Variants in NRXN1 observed in about 807,000 individuals in gnomAD.
NRXN1 encodes the protein neurexin-1.
NRXN1 carries 39 observed loss-of-function variants against 150.9 expected under a neutral mutation model. The ratio of observed to expected loss-of-function variants is 0.26; its 90% CI spans 0.20 to 0.34. NRXN1 has a LOEUF of 0.34. Ranked by LOEUF, NRXN1 falls within the 10% of genes least tolerant of loss-of-function variation. The pLI is 1.00. For missense variants in NRXN1, 1,815 were observed against 1,949.9 expected, an observed-to-expected ratio of 0.93 and a Z score of 1.30; for synonymous variants, 924 against 757.0, an observed-to-expected ratio of 1.22 and a Z score of -3.62.
At chr2:50,263,542 C>G (rs1233360244) in intron 17 of NRXN1, among the ~76,000 whole-genome samples, 4 of 151,968 alleles carry the variant, frequency 2.6e-5, no homozygotes, top group African/African-American at 9.7e-5. Flanking sequence ...GGCTTAATTA[C>G]AGTTGGTCAT....
intron 17 of NRXN1, among the ~76,000 whole-genome samples, chr2:50,256,994 G>T (rs1373929107): frequency 1.3e-5 from 2 of 151,798 alleles, no homozygotes; most frequent in African/African-American, 4.8e-5. Context: ...AGTATTTCTG[G>T]GTCTCATATT....
chr2:50,452,915 C>T (rs2087129660), intron 17 of NRXN1, among the ~76,000 whole-genome samples: 1 of 152,144 alleles, frequency 6.6e-6, no homozygotes, highest in Non-Finnish European at 1.5e-5. Flanking sequence ...AAAATTTTGC[C>T]TTGAATAGCA....
At chr2:50,057,630 T>C (rs1364068422) in intron 19 of NRXN1, among the ~76,000 whole-genome samples, 5 of 152,322 alleles carry the variant, frequency 3.3e-5, no homozygotes, top group African/African-American at 1.2e-4. Flanking sequence ...ACTTGCACAA[T>C]ATCTATCACA....
chr2:50,535,017 T>A (rs1373410224), intron 10 of NRXN1, among the ~76,000 whole-genome samples: 1 of 152,206 alleles, frequency 6.6e-6, no homozygotes, highest in East Asian at 1.9e-4. Context: ...CCGAGTGTCA[T>A]GTTAAATAAT....
intron 2 of NRXN1, among the ~76,000 whole-genome samples, chr2:50,927,703 T>C (rs1178859590): frequency 6.6e-6 from 1 of 152,052 alleles, no homozygotes; most frequent in African/African-American, 2.4e-5. Flanking sequence ...CTTAACAAGA[T>C]TATTTAATAT....
chr2:50,326,742 A>G (rs547166103), intron 17 of NRXN1, among the ~76,000 whole-genome samples: 2 of 152,284 alleles, frequency 1.3e-5, no homozygotes, highest in South Asian at 4.1e-4. Flanking sequence ...GCTATCCTAA[A>G]CAATGCTTTA....
At chr2:50,516,517 T>C (rs990953007) in intron 12 of NRXN1, among the ~76,000 whole-genome samples, 1 of 152,170 alleles carries the variant, frequency 6.6e-6, no homozygotes, top group Non-Finnish European at 1.5e-5. Context: ...CTTAATGACA[T>C]GGTCTCTGGG....
chr2:50,742,732 C>G (rs1699578719), intron 5 of NRXN1, among the ~76,000 whole-genome samples: 1 of 152,020 alleles, frequency 6.6e-6, no homozygotes, highest in South Asian at 2.1e-4. Context: ...CTAATAGGTC[C>G]CTTGAGAGGA....
In NRXN1 at chr2:51,028,396, A is replaced by G. The variant is rs1211622524; in HGVS notation, c.-123T>C. On this transcript the variant is annotated 5_prime_UTR_variant, in exon 2 of 23. Transcript: ENST00000401669. ...AGGTAAGGGGAAAGGCGGGAGTGAG[A>G]GGGATGTGCCCTCCTTTATCTAGTT... 1.2e-5 allele frequency: 7 copies of G among 585,092 alleles called. No individual in the cohort carries two copies. Among genetic ancestry groups the G allele is most frequent in the Non-Finnish European group, 1.9e-5 (7 of 362,160 alleles). The allele number at this position is 585,092 out of a possible 1,614,324, so 36.2% of individuals were successfully genotyped here.
intron 17 of NRXN1, among the ~76,000 whole-genome samples, chr2:50,276,904 T>G (rs2070551342): frequency 6.6e-6 from 1 of 152,186 alleles, no homozygotes; most frequent in Admixed American, 6.5e-5. Flanking sequence ...GAGGTCTCTT[T>G]GGCCATTTCA....
intron 17 of NRXN1, among the ~76,000 whole-genome samples, chr2:50,369,966 C>A (rs1184383316): frequency 2.0e-5 from 3 of 151,898 alleles, no homozygotes; most frequent in Non-Finnish European, 2.9e-5. Flanking sequence ...TGAATAATGG[C>A]CATGGCTAAT....
intron 2 of NRXN1, among the ~76,000 whole-genome samples, chr2:51,014,892 ATGT>A (rs1454061708): frequency 6.6e-6 from 1 of 152,062 alleles, no homozygotes; most frequent in Non-Finnish European, 1.5e-5. Flanking sequence ...ATTGTTGTTG[ATGT>A]TGTCAGTTGG....
chr2:50,511,618 A>T (rs1285149282), intron 12 of NRXN1, among the ~76,000 whole-genome samples: 1 of 152,204 alleles, frequency 6.6e-6, no homozygotes, highest in Non-Finnish European at 1.5e-5. Context: ...AATTCAGTGT[A>T]AATTGAGTGT....
At chr2:50,455,293 T>G (rs1185572208) in intron 17 of NRXN1, among the ~76,000 whole-genome samples, 1 of 152,148 alleles carries the variant, frequency 6.6e-6, no homozygotes, top group Non-Finnish European at 1.5e-5. Flanking sequence ...GAGATAATAC[T>G]GAAGACCTAC....
chr2:50,346,272 A>G lies in NRXN1; in HGVS notation c.3365-109302T>C, dbSNP rs1217425794. The stretch of plus-strand genomic sequence containing the variant: ...AGGGAAGATGGGCAGGAGGTGGGGC[A>G]GCATATACAGCACAGACAAAAGGTT... On this transcript the variant is annotated intron_variant, in intron 17 of 22. Transcript: ENST00000401669. The surrounding 1 kb of genome is among the most constrained non-coding windows in gnomAD (Gnocchi z 5.0). Among the ~76,000 whole-genome samples the G allele has an allele frequency of 6.6e-6, 1 of 152,142 alleles. No individual in the cohort carries two copies. Among genetic ancestry groups the G allele is most frequent in the Non-Finnish European group, 1.5e-5 (1 of 68,020 alleles).
chr2:50,649,259 T>TACACACAC (rs10634117), intron 5 of NRXN1, among the ~76,000 whole-genome samples: 1,456 of 143,282 alleles, frequency 0.01, 11 homozygotes, highest in African/African-American at 0.021. Context: ...CATACACACA[T>TACACACAC]ACACACACAC....
intron 21 of NRXN1, among the ~76,000 whole-genome samples, chr2:49,975,520 A>G (rs1007686303): frequency 6.6e-6 from 1 of 152,158 alleles, no homozygotes; most frequent in African/African-American, 2.4e-5. Flanking sequence ...TGAAAGATTG[A>G]ACCCTGTCAA....
chr2:50,225,745 T>C (rs2064314476), intron 18 of NRXN1, among the ~76,000 whole-genome samples: 1 of 151,870 alleles, frequency 6.6e-6, no homozygotes, highest in South Asian at 2.1e-4. Flanking sequence ...TATTGGTACA[T>C]TTTTTTAAAC....
chr2:50,282,071 A>G (rs147531812), intron 17 of NRXN1, among the ~76,000 whole-genome samples: 3,793 of 152,238 alleles, frequency 0.025, 165 homozygotes, highest in African/African-American at 0.087. Context: ...AATGTCTTAC[A>G]GTTATTGCTT....
Sources: allele counts gnomAD v4.1 joint callset (sites outside exome capture counted in the v4.1 genomes callset), GRCh38; gene constraint gnomAD v4.1.1; non-coding constraint Gnocchi (gnomAD v3.1); transcripts MANE v1.5; gene names NCBI Gene and HGNC (gene_info 2026-07-23, HGNC 2026-07-21).